SMC1A: variants seen among roughly 807,000 people sequenced by gnomAD.
The protein encoded by SMC1A is structural maintenance of chromosomes 1A, also known as structural maintenance of chromosomes protein 1A.
SMC1A carries 4 observed loss-of-function variants against 94.5 expected under a neutral mutation model. The observed-to-expected ratio is 0.04, with a 90% CI of 0.02 to 0.10. The LOEUF (loss-of-function observed/expected upper bound fraction) is 0.10. SMC1A is among the 10% of genes least tolerant of loss of function. The pLI is 1.00. For missense variants in SMC1A, 304 were observed against 989.0 expected, an observed-to-expected ratio of 0.31 and a Z score of 9.29; for synonymous variants, 345 against 347.7, an observed-to-expected ratio of 0.99 and a Z score of 0.09.
chrX:53,419,248 T>C (rs782659797), intron 1 of SMC1A, among the ~76,000 whole-genome samples: 2 of 109,718 alleles, frequency 1.8e-5, no homozygotes, highest in East Asian at 5.8e-4. Context: ...ATGATTAGGT[T>C]GGACACGGCA....
At chrX:53,380,823 T>C (rs1441962681) in intron 23 of SMC1A, 93 bp from the exon 24 acceptor site, 7 of 693,969 alleles carry the variant, frequency 1.0e-5, no homozygotes, top group Non-Finnish European at 1.2e-5. Flanking sequence ...AGAGGTAGGG[T>C]AGGGAGAGGA....
chrX:53,384,896 G>A (rs959784701), intron 19 of SMC1A, among the ~76,000 whole-genome samples: 3 of 110,359 alleles, frequency 2.7e-5, no homozygotes, highest in Non-Finnish European at 3.8e-5. Context: ...AGTGAACCAT[G>A]ATGGTGCCAC....
intron 7 of SMC1A, 80 bp from the exon 8 acceptor site, chrX:53,409,583 G>A (rs2075703543): frequency 5.2e-6 from 4 of 771,484 alleles, no homozygotes; most frequent in African/African-American, 4.1e-5. Context: ...CACCCTTTAT[G>A]TGCCCACTCA....
intron 4 of SMC1A, 35 bp from the exon 5 acceptor site, chrX:53,413,173 C>T (rs782459305): frequency 1.7e-6 from 2 of 1,211,647 alleles, no homozygotes; most frequent in South Asian, 1.8e-5. Context: ...AGGGGTGCAT[C>T]GATAAGGCAC....
Position 53,422,485 on chromosome X carries a change from A to C in SMC1A, c.109+7T>G, listed in dbSNP as rs782319046. On this transcript the variant is annotated splice_region_variant and intron_variant, in intron 1 of 24. Transcript: ENST00000322213. ...CGTGCGCAGGGCCGCGGCCAGGTTTATCTCACCAGAGCCATTGGGTCCAAT... is the reference window on the plus strand; with the variant it reads ...CGTGCGCAGGGCCGCGGCCAGGTTTCTCTCACCAGAGCCATTGGGTCCAAT... 8.7e-7 allele frequency: 1 copy of C among 1,145,823 alleles called. No individual in the cohort carries two copies. Among genetic ancestry groups the C allele is most frequent in the Admixed American group, 2.2e-5 (1 of 46,037 alleles). The allele number at this position is 1,145,823 out of a possible 1,213,427, so 94.4% of individuals were successfully genotyped here.
At chrX:53,422,426 T>C in intron 1 of SMC1A, 66 bp downstream of exon 1, 1 of 771,534 alleles carries the variant, frequency 1.3e-6, no homozygotes. Flanking sequence ...TGGGTTGTAC[T>C]ACTCCGGCAC....
intron 15 of SMC1A, among the ~76,000 whole-genome samples, chrX:53,402,020 T>C (rs2075672311): frequency 9.0e-6 from 1 of 111,076 alleles, no homozygotes; most frequent in Non-Finnish European, 1.9e-5. Context: ...GATTTGCAGT[T>C]CCTTGAAAAT....
intron 16 of SMC1A, 26 bp downstream of exon 16, chrX:53,399,559 AGTCT>A (rs2075663861): frequency 8.5e-7 from 1 of 1,181,674 alleles, no homozygotes; most frequent in East Asian, 3.0e-5. Context: ...CCCAGTTATT[AGTCT>A]GTCTTTTAAT....
rs1355190519 is a variant in SMC1A at position 53,375,782 on chromosome X, T to G, written c.*4321A>C. ...ACAGGGTAGGAATCATGGCTATTCA[T>G]GGGTACTCATTCTATCCTCTCAGTC... On this transcript the variant is annotated 3_prime_UTR_variant, in exon 25 of 25. Coordinates refer to ENST00000322213, the MANE Select transcript of SMC1A (RefSeq NM_006306.4). The G allele has an allele frequency of 8.9e-6, 1 of 111,738 alleles. No individual in the cohort carries two copies. The highest frequency in any genetic ancestry group is 1.9e-5 in the Non-Finnish European group (1 of 53,132). 9.2% of individuals were successfully genotyped at this position (111,738 alleles called of 1,213,427 possible).
intron 13 of SMC1A, 67 bp downstream of exon 13, chrX:53,404,945 C>G: frequency 8.8e-7 from 1 of 1,138,370 alleles, no homozygotes; most frequent in Non-Finnish European, 1.2e-6. Context: ...TTCCCCACCC[C>G]CAGAGAAACC....
chrX:53,416,449 G>A (rs1164700368), intron 1 of SMC1A, among the ~76,000 whole-genome samples: 1 of 106,543 alleles, frequency 9.4e-6, no homozygotes, highest in Non-Finnish European at 1.9e-5. Context: ...GGAGTGCAGT[G>A]GCGTGATCTC....
intron 1 of SMC1A, among the ~76,000 whole-genome samples, chrX:53,416,039 C>T (rs1424143502): frequency 2.7e-5 from 3 of 110,598 alleles, no homozygotes; most frequent in Non-Finnish European, 3.8e-5. Context: ...TGGTGGCTCA[C>T]GCCTGTAATC....
chrX:53,405,945 G>A lies in SMC1A; in HGVS notation c.1557C>T (p.Leu519=). Residue 519 remains leucine, a synonymous_variant, in exon 10 of 25, where the codon CTC becomes CTT. Transcript: ENST00000322213. ...RLYPGSVYGR[L]IDLCQPTQKK... The stretch of plus-strand genomic sequence containing the variant: ...TTTGTGTGGGCTGGCATAGGTCAAT[G>A]AGGCGGCCGTACTGAGTAAAGTAGG... The A allele has an allele frequency of 8.3e-7, 1 of 1,211,417 alleles. No homozygotes were observed. Among genetic ancestry groups the A allele is most frequent in the Non-Finnish European group, 1.1e-6 (1 of 895,118 alleles).
chrX:53,414,652 A>G (rs2075725332), intron 3 of SMC1A, 106 bp downstream of exon 3: 2 of 573,834 alleles, frequency 3.5e-6, no homozygotes. Context: ...AAGGTGCTAC[A>G]TTAGTTCAAG....
intron 15 of SMC1A, among the ~76,000 whole-genome samples, chrX:53,402,580 T>A (rs1382474230): frequency 1.8e-4 from 18 of 100,135 alleles, no homozygotes; most frequent in Non-Finnish European, 1.4e-4. Context: ...CAGGCGGGGG[T>A]TGGGGCCAGG....
intron 1 of SMC1A, among the ~76,000 whole-genome samples, chrX:53,419,823 CA>C (rs782629535): frequency 1.3e-3 from 88 of 70,083 alleles, no homozygotes; most frequent in Admixed American, 2.1e-3. Context: ...GACTTCATCT[CA>C]AAAAAAAAAA....
Position 53,380,743 on chromosome X carries a change from C to A in SMC1A, c.3508-13G>T. 2 of 1,119,533 alleles carry A rather than the reference C, an allele frequency of 1.8e-6. No individual in the cohort carries two copies. The highest frequency in any genetic ancestry group is 2.5e-6 in the Non-Finnish European group (2 of 811,955). The allele number at this position is 1,119,533 out of a possible 1,213,427, so 92.3% of individuals were successfully genotyped here. A position where few individuals can be genotyped will look rare whatever the true frequency, so the allele number is the denominator to read the frequency against. On this transcript the variant is annotated splice_polypyrimidine_tract_variant and intron_variant, in intron 23 of 24. Coordinates refer to ENST00000322213, the MANE Select transcript of SMC1A (RefSeq NM_006306.4). ...TGTAATTTGCCACCTGTGGGAAAGGCCGCCAGGCACTTAGCAAGGCTCAAA... is the reference window on the plus strand; with the variant it reads ...TGTAATTTGCCACCTGTGGGAAAGGACGCCAGGCACTTAGCAAGGCTCAAA...
In SMC1A at chrX:53,379,531, G is replaced by A. The variant is rs1343360460; in HGVS notation, c.*572C>T. On this transcript the variant is annotated 3_prime_UTR_variant, in exon 25 of 25. Coordinates refer to ENST00000322213, the MANE Select transcript of SMC1A (RefSeq NM_006306.4). ...AGAGCCTGACAAATAGAGGGTGTTC[G>A]GTATGTGTCTGATGAATACATAAAT... 1 of 114,037 alleles carries A rather than the reference G, an allele frequency of 8.8e-6. No homozygotes were observed. The highest frequency in any genetic ancestry group is 3.3e-5 in the African/African-American group (1 of 30,728). 9.4% of individuals were successfully genotyped at this position (114,037 alleles called of 1,213,427 possible).
At chrX:53,412,330 G>T in intron 5 of SMC1A, 77 bp from the exon 6 acceptor site, 1 of 1,054,165 alleles carries the variant, frequency 9.5e-7, no homozygotes. Context: ...ACCCAAAGGA[G>T]AGCTTGAGCC....
Sources: gnomAD v4.1 joint callset for allele counts (sites outside exome capture counted in the v4.1 genomes callset) on GRCh38, gnomAD v4.1.1 for gene constraint, MANE v1.5 for transcripts, NCBI Gene and HGNC (gene_info 2026-07-23, HGNC 2026-07-21) for gene names.